ESRRG: variants seen among roughly 807,000 people sequenced by gnomAD.
ESRRG encodes the protein estrogen-related receptor gamma.
In ESRRG, 13 loss-of-function variants were observed where a neutral mutation model predicts 44.0. The ratio of observed to expected loss-of-function variants is 0.30; its 90% CI spans 0.19 to 0.47. The LOEUF (loss-of-function observed/expected upper bound fraction) is 0.47. ESRRG is among the 20% of genes least tolerant of loss of function. The pLI, the probability that ESRRG is intolerant of heterozygous loss-of-function variation, is 1.00. For missense variants in ESRRG, 395 were observed against 580.6 expected, an observed-to-expected ratio of 0.68 and a Z score of 3.29; for synonymous variants, 215 against 214.6, an observed-to-expected ratio of 1.00 and a Z score of -0.02.
chr1:216,515,740 C>G (rs914290569), intron 6 of ESRRG, among the ~76,000 whole-genome samples: 2 of 152,040 alleles, frequency 1.3e-5, no homozygotes, highest in Non-Finnish European at 2.9e-5. Context: ...GTGGCAAAGA[C>G]TGTGATGTGA....
chr1:216,979,900 C>T (rs182872073), intron 1 of ESRRG, among the ~76,000 whole-genome samples: 140 of 152,226 alleles, frequency 9.2e-4, no homozygotes, highest in African/African-American at 1.6e-3. Flanking sequence ...GCCACTCACT[C>T]TTTGTAAAGT....
chr1:216,759,617 T>TAGC (rs1224860601), intron 2 of ESRRG, among the ~76,000 whole-genome samples: 1 of 152,140 alleles, frequency 6.6e-6, no homozygotes, highest in Middle Eastern at 3.2e-3. Flanking sequence ...TAGTATTGAG[T>TAGC]AGCCACTCAG....
At chr1:216,689,546 A>C (rs2151703413) in intron 1 of ESRRG, among the ~76,000 whole-genome samples, 1 of 152,274 alleles carries the variant, frequency 6.6e-6, no homozygotes, top group South Asian at 2.1e-4. Context: ...GTATCTTAAT[A>C]CATTTTTTTA....
intron 2 of ESRRG, among the ~76,000 whole-genome samples, chr1:216,731,292 A>G (rs1201890288): frequency 6.6e-6 from 1 of 152,232 alleles, no homozygotes; most frequent in Non-Finnish European, 1.5e-5. Context: ...TCCTATTTCT[A>G]TGAGATGTAT....
At chr1:217,083,969 C>T (rs2091923567) in intron 1 of ESRRG, among the ~76,000 whole-genome samples, 1 of 152,118 alleles carries the variant, frequency 6.6e-6, no homozygotes, top group African/African-American at 2.4e-5. Flanking sequence ...TCCTCAAGAA[C>T]ACTGGTGAGC....
intron 1 of ESRRG, among the ~76,000 whole-genome samples, chr1:217,010,341 G>A (rs2078387917): frequency 6.6e-6 from 1 of 152,088 alleles, no homozygotes; most frequent in African/African-American, 2.4e-5. Context: ...TTTTAGCAAA[G>A]GATGAAAACA....
At chr1:217,054,655 T>C (rs376915398) in intron 1 of ESRRG, among the ~76,000 whole-genome samples, 1 of 152,128 alleles carries the variant, frequency 6.6e-6, no homozygotes. Context: ...TAGGTTGTAA[T>C]GACCTGAAAA....
intron 2 of ESRRG, among the ~76,000 whole-genome samples, chr1:216,769,190 A>G (rs1449392895): frequency 6.6e-6 from 1 of 152,154 alleles, no homozygotes; most frequent in South Asian, 2.1e-4. Context: ...GAAGACCATT[A>G]TGGCAGGGAA....
intron 1 of ESRRG, among the ~76,000 whole-genome samples, chr1:216,952,370 C>T (rs1467643616): frequency 1.3e-5 from 2 of 152,082 alleles, no homozygotes; most frequent in Non-Finnish European, 2.9e-5. Flanking sequence ...AGCGTGGAAA[C>T]GGGAAGCCAC....
chr1:216,542,072 CAGAGAGAGAGAG>C (rs3040899), intron 5 of ESRRG, among the ~76,000 whole-genome samples: 111 of 139,944 alleles, frequency 7.9e-4, no homozygotes, highest in African/African-American at 2.0e-3. Flanking sequence ...GTGTCTATGA[CAGAGAGAGAGAG>C]AGAGAGAGAG....
intron 1 of ESRRG, among the ~76,000 whole-genome samples, chr1:216,690,279 T>C (rs995274312): frequency 2.0e-5 from 3 of 152,024 alleles, no homozygotes; most frequent in Admixed American, 1.3e-4. Context: ...TGTGTGTGTT[T>C]GCATGTGTGT....
chr1:216,639,094 C>T (rs920076931), intron 3 of ESRRG, among the ~76,000 whole-genome samples: 4 of 152,022 alleles, frequency 2.6e-5, no homozygotes, highest in African/African-American at 7.2e-5. Flanking sequence ...CCTAATAGGC[C>T]TGGAGACAAA....
intron 1 of ESRRG, among the ~76,000 whole-genome samples, chr1:216,690,851 C>A (rs1455629362): frequency 6.6e-6 from 1 of 152,102 alleles, no homozygotes; most frequent in Non-Finnish European, 1.5e-5. Context: ...ATCTCTTAGG[C>A]CAGCTCTTTT....
chr1:216,709,685 G>T (rs2083204760), intron 1 of ESRRG, among the ~76,000 whole-genome samples: 1 of 144,916 alleles, frequency 6.9e-6, no homozygotes, highest in African/African-American at 2.7e-5. Context: ...TATGTAGGTA[G>T]TGCTGATTTA....
chr1:216,901,470 C>A (rs1477532200), intron 2 of ESRRG, among the ~76,000 whole-genome samples: 24 of 151,774 alleles, frequency 1.6e-4, no homozygotes, highest in Admixed American at 1.6e-3. Flanking sequence ...CAGACTCAAG[C>A]AATCCTCCCA....
At chr1:216,989,623 T>C (rs561423025) in intron 1 of ESRRG, among the ~76,000 whole-genome samples, 1 of 152,264 alleles carries the variant, frequency 6.6e-6, no homozygotes, top group African/African-American at 2.4e-5. Context: ...CCAAATTTCC[T>C]TCATGCAATT....
At chr1:217,106,400 A>ACG (rs201308963) in intron 1 of ESRRG, among the ~76,000 whole-genome samples, 3,009 of 151,682 alleles carry the variant, frequency 0.02, 107 homozygotes, top group African/African-American at 0.068. Flanking sequence ...ATGCACACAC[A>ACG]CACACACACA....
intron 2 of ESRRG, among the ~76,000 whole-genome samples, chr1:216,661,631 A>C (rs1182925978): frequency 6.6e-6 from 1 of 152,156 alleles, no homozygotes; most frequent in Non-Finnish European, 1.5e-5. Flanking sequence ...CTTAAATAGA[A>C]ATTTTACTTC....
At chr1:216,584,694 T>C (rs2063437737) in intron 3 of ESRRG, among the ~76,000 whole-genome samples, 1 of 152,378 alleles carries the variant, frequency 6.6e-6, no homozygotes, top group Admixed American at 6.5e-5. Context: ...AGATCCTTTA[T>C]AACTTTTCAT....
Sources: allele counts gnomAD v4.1 joint callset (sites outside exome capture counted in the v4.1 genomes callset), GRCh38; gene constraint gnomAD v4.1.1; transcripts MANE v1.5; gene names NCBI Gene and HGNC (gene_info 2026-07-23, HGNC 2026-07-21).